The following CMC4 variants were observed in gnomAD, a reference collection of about 807,000 sequenced individuals.
CMC4 encodes the protein C-X9-C motif containing 4.
CMC4 carries 4 observed loss-of-function variants against 5.1 expected under a neutral mutation model. The observed-to-expected ratio is 0.78, with a 90% CI of 0.38 to 1.78. The LOEUF (loss-of-function observed/expected upper bound fraction) is 1.78. CMC4 is among the 40% of genes most tolerant of loss of function. The pLI is 0.04. For missense variants in CMC4, 52 were observed against 51.3 expected, an observed-to-expected ratio of 1.01 and a Z score of -0.04; for synonymous variants, 23 against 18.9, an observed-to-expected ratio of 1.22 and a Z score of -0.57.
chrX:155,063,057 G>T (rs1364954850), intron 2 of CMC4, among the ~76,000 whole-genome samples: 1 of 111,579 alleles, frequency 9.0e-6, no homozygotes, highest in Non-Finnish European at 1.9e-5. Flanking sequence ...GTTTTATTTG[G>T]GAGAAGGAAT....
intron 1 of CMC4, chrX:155,064,298 G>A (rs1023618807): frequency 2.9e-5 from 6 of 207,249 alleles, no homozygotes; most frequent in African/African-American, 5.8e-5. Context: ...GTAAACCAAC[G>A]TTAGGCTAGA....
chrX:155,065,447 CAA>C, intron 1 of CMC4: 1 of 1,165,161 alleles, frequency 8.6e-7, no homozygotes, highest in African/African-American at 1.8e-5. Flanking sequence ...AGAGCCAAAA[CAA>C]AGAGGGGGAG....
intron 1 of CMC4, among the ~76,000 whole-genome samples, chrX:155,067,583 G>C (rs2073953613): frequency 8.9e-6 from 1 of 112,100 alleles, no homozygotes; most frequent in African/African-American, 3.2e-5. Flanking sequence ...GCAGAGTCCA[G>C]GTGCCTGCCT....
chrX:155,063,976 T>C lies in CMC4; in HGVS notation c.48A>G (p.Lys16=). 1 of 1,193,429 alleles carries C rather than the reference T, an allele frequency of 8.4e-7. No individual in the cohort carries two copies. Among genetic ancestry groups the C allele is most frequent in the South Asian group, 1.9e-5 (1 of 53,060 alleles). Residue 16 remains lysine (K), a synonymous_variant, in exon 2 of 3, where the codon AAA becomes AAG. Transcript: ENST00000369484. The stretch of plus-strand genomic sequence containing the variant: ...TTTACAATATACTACCTTGTAAACA[T>C]TTCTGTATCTCACAGGCTTGCTTCT... ...PCQKQACEIQ[K]CLQANSYMES...
Position 155,061,893 on chromosome X carries a change from A to G in CMC4, c.157T>C (p.Phe53Leu), listed in dbSNP as rs1557291639. ...AGGTTTTCTTCCTCTTCTTTTTCAAATCCTGAACAGACGACAGATCTTCCC... is the reference window on the plus strand; with the variant it reads ...AGGTTTTCTTCCTCTTCTTTTTCAAGTCCTGAACAGACGACAGATCTTCCC... The part of the protein sequence containing the change: ...PKGRSVVCSG[F>L]EKEEEENLTR... The change falls in exon 3 of 3, where the codon TTT (phenylalanine) becomes CTT (leucine). Residue 53 changes from phenylalanine (F) to leucine (L), a missense_variant. Coordinates refer to ENST00000369484, the MANE Select transcript of CMC4 (RefSeq NM_001018024.3). 8.3e-7 allele frequency: 1 copy of G among 1,211,302 alleles called. No homozygotes were observed. The highest frequency in any genetic ancestry group is 1.1e-6 in the Non-Finnish European group (1 of 895,287).
intron 1 of CMC4, among the ~76,000 whole-genome samples, chrX:155,067,052 C>T (rs1009200289): frequency 1.8e-5 from 2 of 111,939 alleles, no homozygotes; most frequent in African/African-American, 3.3e-5. Flanking sequence ...TGTATTTCTA[C>T]CTTTGGCCAG....
chrX:155,063,006 AT>A (rs1363600002), intron 2 of CMC4, among the ~76,000 whole-genome samples: 1 of 108,449 alleles, frequency 9.2e-6, no homozygotes, highest in Non-Finnish European at 1.9e-5. Flanking sequence ...TTTTTAACTT[AT>A]TTTTTTCCCT....
chrX:155,065,808 C>A, intron 1 of CMC4: 1 of 1,206,250 alleles, frequency 8.3e-7, no homozygotes, highest in South Asian at 1.8e-5. Context: ...AAGGAATGAT[C>A]AAAAATAAAA....
In CMC4 at chrX:155,061,862, C is replaced by T. The variant is rs367950811; in HGVS notation, c.188G>A (p.Arg63Gln). 15 of 1,206,725 alleles carry T rather than the reference C, an allele frequency of 1.2e-5. No homozygotes were observed. The highest frequency in any genetic ancestry group is 8.9e-5 in the East Asian group (3 of 33,572). The part of the protein sequence containing the change: ...FEKEEEENLT[R>Q]KSASK ...AGAACTTTACTTTGATGCAGACTTCCGTGTTAGGTTTTCTTCCTCTTCTTT... is the reference window on the plus strand; with the variant it reads ...AGAACTTTACTTTGATGCAGACTTCTGTGTTAGGTTTTCTTCCTCTTCTTT... Residue 63 changes from arginine to glutamine, a missense_variant, in exon 3 of 3, where the codon CGG becomes CAG. By Grantham distance (43) the Arg-to-Gln change is conservative. Coordinates refer to ENST00000369484, the MANE Select transcript of CMC4 (RefSeq NM_001018024.3).
At chrX:155,064,771 T>C (rs1356596406) in intron 1 of CMC4, 1 of 111,994 alleles carries the variant, frequency 8.9e-6, no homozygotes, top group East Asian at 2.8e-4. Context: ...ATCAGCAACT[T>C]CCAGTAATTT....
chrX:155,070,227 G>A lies in CMC4; in HGVS notation c.-11+467C>T, dbSNP rs187070358. On this transcript the variant is annotated intron_variant, in intron 1 of 2. Transcript: ENST00000369484. ...CATCAACACTTCAAGTAGCACCTTG[G>A]GAATGTTCCCTTTCCAGTACTGCCA... 3.8e-3 allele frequency among the ~76,000 whole-genome samples: 426 copies of A among 111,641 alleles called. 2 individuals carry two copies. The highest frequency in any genetic ancestry group is 5.9e-3 in the Non-Finnish European group (314 of 53,091).
intron 1 of CMC4, among the ~76,000 whole-genome samples, chrX:155,067,157 T>TA (rs1169068468): frequency 9.0e-6 from 1 of 111,669 alleles, no homozygotes; most frequent in East Asian, 2.8e-4. Flanking sequence ...GGGTGGTTGT[T>TA]AGAGTCCTCA....
Position 155,062,058 on chromosome X carries a change from A to C in CMC4, c.59-67T>G, listed in dbSNP as rs2073930243. 9.7e-6 allele frequency: 10 copies of C among 1,026,882 alleles called. No homozygotes were observed. The East Asian group carries it at 1.3e-4, about 14-fold the overall frequency. 84.6% of individuals were successfully genotyped at this position (1,026,882 alleles called of 1,213,427 possible). ...ACTAAGGTACAGGGAGGTTTAGATC[A>C]GTGCTTCCCACCCCTTTTCACTTTC... On this transcript the variant is annotated intron_variant, in intron 2 of 2. Coordinates refer to ENST00000369484, the MANE Select transcript of CMC4 (RefSeq NM_001018024.3).
At position 155,061,829 on chromosome X, in the gene CMC4, A is replaced by C. The variant is rs1322402733; in HGVS notation, c.*14T>G. 2.2e-5 allele frequency: 27 copies of C among 1,205,595 alleles called. No homozygotes were observed. Among genetic ancestry groups the C allele is most frequent in the Non-Finnish European group, 3.0e-5 (27 of 892,784 alleles). The stretch of plus-strand genomic sequence containing the variant: ...TCATTTGGTGGAAACATGGAGCAGC[A>C]CTTCAGAAGAACTTTACTTTGATGC... On this transcript the variant is annotated 3_prime_UTR_variant, in exon 3 of 3. Transcript: ENST00000369484.
At chrX:155,064,224 G>C in intron 1 of CMC4, 191 bp from the exon 2 acceptor site, 1 of 311,462 alleles carries the variant, frequency 3.2e-6, no homozygotes, top group Non-Finnish European at 5.7e-6. Flanking sequence ...CATTAGGCTT[G>C]GAAGATATAA....
chrX:155,068,639 G>T (rs1438129308), intron 1 of CMC4, among the ~76,000 whole-genome samples: 1 of 112,389 alleles, frequency 8.9e-6, no homozygotes, highest in Admixed American at 9.4e-5. Context: ...TAGAAAACTT[G>T]CTCCCAACAT....
intron 1 of CMC4, among the ~76,000 whole-genome samples, chrX:155,070,360 G>A (rs2073968117): frequency 8.9e-6 from 1 of 112,067 alleles, no homozygotes; most frequent in Admixed American, 9.4e-5. Flanking sequence ...ATTTAGAATC[G>A]CTTTCAAAAT....
At chrX:155,065,710 G>A (rs1557291958) in intron 1 of CMC4, 1 of 1,211,434 alleles carries the variant, frequency 8.3e-7, no homozygotes, top group Admixed American at 2.2e-5. Flanking sequence ...TAGCTGGGAG[G>A]TAAGAAGGTG....
chrX:155,065,403 G>A (rs1307556927), intron 1 of CMC4: 2 of 917,790 alleles, frequency 2.2e-6, no homozygotes, highest in Non-Finnish European at 3.1e-6. Context: ...CCAGCACCTG[G>A]AAAAAAAAAT....
Sources: allele counts gnomAD v4.1 joint callset (sites outside exome capture counted in the v4.1 genomes callset), GRCh38; gene constraint gnomAD v4.1.1; transcripts MANE v1.5; gene names NCBI Gene and HGNC (gene_info 2026-07-23, HGNC 2026-07-21).